Variants in SRPK2 observed in about 807,000 individuals in gnomAD.
SRPK2 encodes the protein SFRS protein kinase 2.
A neutral mutation model predicts 90.8 loss-of-function variants in SRPK2; 21 were observed. The observed-to-expected ratio is 0.23, with a 90% CI of 0.16 to 0.33. SRPK2 has a LOEUF of 0.33. SRPK2 is among the 10% of genes least tolerant of loss of function. SRPK2 has a pLI of 1.00. For synonymous variants in SRPK2, 288 were observed against 311.1 expected (o/e 0.93, Z 0.78); for missense variants, 620 against 869.0 (o/e 0.71, Z 3.60).
chr7:105,159,031 G>A (rs1211230434), intron 7 of SRPK2, among the ~76,000 whole-genome samples: 1 of 151,952 alleles, frequency 6.6e-6, no homozygotes. Flanking sequence ...ATACAGTACT[G>A]AACAAAAGTT....
At chr7:105,359,648 A>G (rs1214200495) in intron 2 of SRPK2, among the ~76,000 whole-genome samples, 1 of 152,116 alleles carries the variant, frequency 6.6e-6, no homozygotes, top group Non-Finnish European at 1.5e-5. Flanking sequence ...GGAAGCACTC[A>G]TTTCCATCAA....
At chr7:105,324,714 C>A (rs911683970) in intron 2 of SRPK2, among the ~76,000 whole-genome samples, 3 of 151,980 alleles carry the variant, frequency 2.0e-5, no homozygotes, top group African/African-American at 7.3e-5. Flanking sequence ...TGGCAAAACC[C>A]CGTCTCTACT....
At chr7:105,346,470 A>G (rs892854309) in intron 2 of SRPK2, among the ~76,000 whole-genome samples, 4 of 152,052 alleles carry the variant, frequency 2.6e-5, no homozygotes, top group Admixed American at 2.0e-4. Context: ...CAAAAGCAAC[A>G]CAAGGCCAGG....
intron 2 of SRPK2, among the ~76,000 whole-genome samples, chr7:105,353,720 T>C (rs1817479545): frequency 6.6e-6 from 1 of 152,146 alleles, no homozygotes; most frequent in Non-Finnish European, 1.5e-5. Context: ...AAAAACACTT[T>C]CCTTCTCCAG....
chr7:105,231,151 C>T (rs78328217), intron 2 of SRPK2, among the ~76,000 whole-genome samples: 7,144 of 152,200 alleles, frequency 0.047, 578 homozygotes, highest in African/African-American at 0.16. Context: ...GTTCTTATCA[C>T]TCAGCGCCCC....
intron 2 of SRPK2, among the ~76,000 whole-genome samples, chr7:105,329,218 C>G (rs1813976096): frequency 6.6e-6 from 1 of 151,986 alleles, no homozygotes; most frequent in African/African-American, 2.4e-5. Context: ...AATTTATTCT[C>G]TCACCCTAAA....
At chr7:105,228,953 A>G (rs544233822) in intron 2 of SRPK2, among the ~76,000 whole-genome samples, 3 of 152,330 alleles carry the variant, frequency 2.0e-5, no homozygotes, top group East Asian at 1.9e-4. Flanking sequence ...GCCCTGCATC[A>G]TAACTACTGC....
chr7:105,124,467 CCTCT>C (rs1800843730), intron 15 of SRPK2, among the ~76,000 whole-genome samples: 1 of 151,748 alleles, frequency 6.6e-6, no homozygotes, highest in Non-Finnish European at 1.5e-5. Context: ...ATGGTGAAAA[CCTCT>C]CTCTACTAAA....
At chr7:105,244,786 G>A (rs1801364049) in intron 2 of SRPK2, 16 of 968,780 alleles carry the variant, frequency 1.7e-5, no homozygotes, top group South Asian at 1.3e-4. Context: ...ACATGATCCC[G>A]GAGGCATGTG....
chr7:105,178,025 T>A (rs1792215711), intron 3 of SRPK2, among the ~76,000 whole-genome samples: 1 of 134,610 alleles, frequency 7.4e-6, no homozygotes, highest in Admixed American at 7.6e-5. Context: ...CGAGACTCCG[T>A]CTCAAAAAAA....
At chr7:105,204,591 G>T (rs979027578) in intron 2 of SRPK2, 1 of 528,352 alleles carries the variant, frequency 1.9e-6, no homozygotes, top group East Asian at 6.0e-5. Context: ...CTGAATGCGT[G>T]CGCTGAAGAT....
intron 2 of SRPK2, among the ~76,000 whole-genome samples, chr7:105,319,939 G>C (rs1002681090): frequency 2.6e-5 from 4 of 151,192 alleles, no homozygotes; most frequent in African/African-American, 9.7e-5. Flanking sequence ...TGATTCTTGG[G>C]GCTGCCCGAC....
chr7:105,253,077 C>A (rs955262134), intron 2 of SRPK2, among the ~76,000 whole-genome samples: 1 of 152,130 alleles, frequency 6.6e-6, no homozygotes, highest in Non-Finnish European at 1.5e-5. Flanking sequence ...TTTCTTTAAT[C>A]ATAATTAACT....
chr7:105,176,973 A>T (rs1243199896), intron 3 of SRPK2, among the ~76,000 whole-genome samples: 1 of 152,076 alleles, frequency 6.6e-6, no homozygotes, highest in Non-Finnish European at 1.5e-5. Flanking sequence ...GAATCTGTTC[A>T]ATGATTTTGA....
intron 7 of SRPK2, among the ~76,000 whole-genome samples, chr7:105,159,447 C>T (rs74967196): frequency 1.7e-4 from 1 of 5,718 alleles, no homozygotes; most frequent in African/African-American, 4.1e-4. Context: ...GACTCCGTCT[C>T]CAAAAAAAAA....
intron 2 of SRPK2, among the ~76,000 whole-genome samples, chr7:105,330,070 C>T (rs1585735107): frequency 2.6e-5 from 4 of 151,776 alleles, no homozygotes; most frequent in Admixed American, 6.6e-5. Flanking sequence ...TAGCCAGGCG[C>T]GATGGCTCAC....
upstream of SRPK2, among the ~76,000 whole-genome samples, chr7:105,389,662 T>A (rs1357257453): frequency 6.6e-6 from 1 of 152,222 alleles, no homozygotes; most frequent in Non-Finnish European, 1.5e-5. Flanking sequence ...ATGAGGAAAC[T>A]GAGTCCCAAC....
chr7:105,142,636 T>G, intron 10 of SRPK2, 146 bp from the exon 11 acceptor site: 2 of 1,118,390 alleles, frequency 1.8e-6, no homozygotes, highest in Non-Finnish European at 2.5e-6. Context: ...GGTAAAACCT[T>G]CAGGTTTTCT....
At chr7:105,185,143 T>G (rs1308153708) in intron 3 of SRPK2, among the ~76,000 whole-genome samples, 1 of 151,954 alleles carries the variant, frequency 6.6e-6, no homozygotes, top group African/African-American at 2.4e-5. Context: ...AATTATGAAC[T>G]GAAGAAACAT....
Sources: gnomAD v4.1 joint callset for allele counts (sites outside exome capture counted in the v4.1 genomes callset) on GRCh38, gnomAD v4.1.1 for gene constraint, MANE v1.5 for transcripts, NCBI Gene and HGNC (gene_info 2026-07-23, HGNC 2026-07-21) for gene names.